POR: variants seen among roughly 807,000 people sequenced by gnomAD.
POR encodes the protein cytochrome p450 oxidoreductase, also known as NADPH--cytochrome P450 reductase.
A neutral mutation model predicts 84.0 loss-of-function variants in POR; 56 were observed. The observed-to-expected ratio is 0.67, with a 90% CI of 0.54 to 0.83. The LOEUF is 0.83. Among genes scored for constraint, POR ranks in the 40% least tolerant of loss-of-function variants. POR has a pLI of 0.00. For missense variants in POR, 938 were observed against 944.3 expected (o/e 0.99, Z 0.09); for synonymous variants, 414 against 400.5 (o/e 1.03, Z -0.40).
In POR at chr7:75,985,108, CCT is replaced by C; in HGVS notation, c.1300_1301del (p.Leu434AlafsTer15). Reference sequence around the variant, plus strand: ...AGGCCCGGAGGCACATCCTGGCCATCCTGCAGGACTGCCCGTCCCTGCGGCCC... The same window carrying C: ...AGGCCCGGAGGCACATCCTGGCCATCGCAGGACTGCCCGTCCCTGCGGCCC... On this transcript the variant is annotated frameshift_variant, in exon 12 of 16. Coordinates refer to ENST00000461988, the MANE Select transcript of POR (RefSeq NM_000941.3). LOFTEE classifies it high-confidence loss of function. 6.2e-7 allele frequency: 1 copy of C among 1,600,166 alleles called. No homozygotes were observed. The highest frequency in any genetic ancestry group is 8.5e-7 in the Non-Finnish European group (1 of 1,179,518).
intron 1 of POR, among the ~76,000 whole-genome samples, chr7:75,932,337 C>T (rs1028581834): frequency 3.3e-5 from 5 of 152,056 alleles, no homozygotes; most frequent in East Asian, 1.9e-4. Context: ...TGCACCAACA[C>T]GCCCAGCTAA....
At chr7:75,917,448 G>A (rs1432531219) in intron 1 of POR, among the ~76,000 whole-genome samples, 1 of 149,516 alleles carries the variant, frequency 6.7e-6, no homozygotes, top group African/African-American at 2.5e-5. Flanking sequence ...GTTCCAGAGA[G>A]GCTGGCCGCC....
chr7:75,980,405 G>A lies in POR; in HGVS notation c.433G>A (p.Glu145Lys). 1 of 1,613,328 alleles carries A rather than the reference G, an allele frequency of 6.2e-7. No individual in the cohort carries two copies. Among genetic ancestry groups the A allele is most frequent in the East Asian group, 2.2e-5 (1 of 44,864 alleles). Reference sequence around the variant, plus strand: ...GGTTTTCTGCATGGCCACCTACGGTGAGGGAGACCCCACCGACAATGCCCA... The same window carrying A: ...GGTTTTCTGCATGGCCACCTACGGTAAGGGAGACCCCACCGACAATGCCCA... The change falls in exon 5 of 16, where the codon GAG (glutamate) becomes AAG (lysine). Residue 145 changes from glutamate (E) to lysine (K), a missense_variant. Glu to Lys is a moderately conservative substitution (Grantham distance 56, BLOSUM62 1). Transcript: ENST00000461988.
At chr7:75,968,954 C>T (rs192279369) in intron 2 of POR, among the ~76,000 whole-genome samples, 47 of 152,332 alleles carry the variant, frequency 3.1e-4, no homozygotes, top group African/African-American at 9.6e-4. Context: ...CCCTTGGCAC[C>T]CCGCTTCCCG....
chr7:75,980,809 G>T, intron 5 of POR: 1 of 1,271,282 alleles, frequency 7.9e-7, no homozygotes, highest in Non-Finnish European at 1.1e-6. Flanking sequence ...GGCTGGCCCC[G>T]CTTCCCTGTG....
rs1554559215 is a variant in POR, at chr7:75,985,858, G to C, written c.1669+9G>C. On this transcript the variant is annotated intron_variant, in intron 13 of 15. Coordinates refer to ENST00000461988, the MANE Select transcript of POR (RefSeq NM_000941.3). ...CTGGCTGCGACAGCAGGGTGAGTGG[G>C]GTCCCATGGGGGAGAGGGGGTGACG... 1 of 1,549,830 alleles carries C rather than the reference G, an allele frequency of 6.5e-7. No individual in the cohort carries two copies. Among genetic ancestry groups the C allele is most frequent in the African/African-American group, 1.4e-5 (1 of 73,932 alleles).
chr7:75,923,425 G>C (rs112780963), intron 1 of POR: 16 of 617,358 alleles, frequency 2.6e-5, no homozygotes, highest in African/African-American at 1.5e-4. Flanking sequence ...GCATCAATCA[G>C]CTCATCCGCC....
rs1352889904 is a variant in POR at position 75,986,683 on chromosome 7, G to C, written c.*202G>C. ...CCGGCCCCTGGCAGCACAGCCCAGG[G>C]CCTGCATGGGGGCACCGGGCTCCAT... On this transcript the variant is annotated 3_prime_UTR_variant, in exon 16 of 16. Transcript: ENST00000461988. The C allele has an allele frequency of 3.0e-6, 2 of 659,432 alleles. No individual in the cohort carries two copies. The highest frequency in any genetic ancestry group is 5.1e-6 in the Non-Finnish European group (2 of 392,584). The allele number at this position is 659,432 out of a possible 1,614,324, so 40.8% of individuals were successfully genotyped here. A position where few individuals can be genotyped will look rare whatever the true frequency, so the allele number is the denominator to read the frequency against.
At chr7:75,933,546 G>A (rs1412999927) in intron 1 of POR, among the ~76,000 whole-genome samples, 2 of 151,468 alleles carry the variant, frequency 1.3e-5, no homozygotes, top group Non-Finnish European at 2.9e-5. Flanking sequence ...CTGCCACCAC[G>A]CCTGGCTAAT....
At chr7:75,962,757 A>G (rs1787998196) in intron 2 of POR, among the ~76,000 whole-genome samples, 1 of 152,196 alleles carries the variant, frequency 6.6e-6, no homozygotes. Flanking sequence ...CCATCGGGTA[A>G]TCAGCCTCTG....
rs530065348 is a variant in POR, at chr7:75,985,725, C to G, written c.1545C>G (p.Phe515Leu). ...GCGGCCGTGCGCTGGTGCCCATGTT[C>G]GTGCGCAAGTCCCAGTTCCGCCTGC... Residue 515 changes from phenylalanine to leucine, a missense_variant, in exon 13 of 16, where the codon TTC (phenylalanine) becomes TTG (leucine). Physicochemically the swap from Phe to Leu is conservative, Grantham distance 22 (BLOSUM62 0). Transcript: ENST00000461988. 6.3e-7 allele frequency: 1 copy of G among 1,588,766 alleles called. No individual in the cohort carries two copies. Among genetic ancestry groups the G allele is most frequent in the Non-Finnish European group, 8.6e-7 (1 of 1,169,410 alleles).
Position 75,918,121 on chromosome 7 carries a change from A to G in POR, c.-5+2942A>G, listed in dbSNP as rs1010304670. On this transcript the variant is annotated intron_variant, in intron 1 of 15. Coordinates refer to ENST00000461988, the MANE Select transcript of POR (RefSeq NM_000941.3). ...CAGGAGTTCGAGACCAGCCTGGCCA[A>G]CGTGGTGAAACCCCGTCTCTACTAA... is the stretch of plus-strand genomic sequence containing the variant. Among the ~76,000 whole-genome samples, 35 of 152,216 alleles carry G rather than the reference A, an allele frequency of 2.3e-4. 1 individual carries two copies. Among genetic ancestry groups the G allele is most frequent in the Non-Finnish European group, 1.6e-4 (11 of 68,036 alleles).
At position 75,986,516 on chromosome 7, in the gene POR, G is replaced by T. The variant is rs773928554; in HGVS notation, c.*35G>T. The T allele has an allele frequency of 1.3e-6, 2 of 1,596,458 alleles. No homozygotes were observed. Among genetic ancestry groups the T allele is most frequent in the East Asian group, 4.5e-5 (2 of 44,620 alleles). On this transcript the variant is annotated 3_prime_UTR_variant, in exon 16 of 16. Transcript: ENST00000461988. ...TGCCCCACCCACCCCACAGACTCCG[G>T]CCTGTAATCAGCTCTCCTGGCTCCC...
intron 1 of POR, among the ~76,000 whole-genome samples, chr7:75,924,136 C>T (rs764664508): frequency 7.0e-4 from 107 of 151,816 alleles, no homozygotes; most frequent in Non-Finnish European, 1.3e-3. Context: ...CGACCAAGCC[C>T]GGGGACATAA....
chr7:75,964,736 G>A (rs900256009), intron 2 of POR, among the ~76,000 whole-genome samples: 7 of 152,122 alleles, frequency 4.6e-5, no homozygotes, highest in South Asian at 2.1e-4. Flanking sequence ...TCTGATATAC[G>A]TATCTTAGCT....
At chr7:75,937,231 G>A (rs1807738218) in intron 1 of POR, among the ~76,000 whole-genome samples, 1 of 149,394 alleles carries the variant, frequency 6.7e-6, no homozygotes, top group Admixed American at 6.7e-5. Context: ...AAGGCAGGTG[G>A]ATCAGTTGAG....
chr7:75,923,406 G>A, intron 1 of POR: 1 of 694,668 alleles, frequency 1.4e-6, no homozygotes, highest in Admixed American at 2.0e-5. Context: ...CATCTTCTTG[G>A]GGGTGTGTGC....
chr7:75,976,136 T>C (rs1788675746), intron 3 of POR, among the ~76,000 whole-genome samples: 1 of 152,200 alleles, frequency 6.6e-6, no homozygotes, highest in Non-Finnish European at 1.5e-5. Context: ...TTTATATATT[T>C]TGATGCTCCT....
At chr7:75,937,522 T>TCTG in intron 1 of POR, among the ~76,000 whole-genome samples, 2 of 136,254 alleles carry the variant, frequency 1.5e-5, no homozygotes, top group East Asian at 4.6e-4. Context: ...GTGGCTCACG[T>TCTG]CTGTAATCCC....
Sources: gnomAD v4.1 joint callset for allele counts (sites outside exome capture counted in the v4.1 genomes callset) on GRCh38, gnomAD v4.1.1 for gene constraint, MANE v1.5 for transcripts, NCBI Gene and HGNC (gene_info 2026-07-23, HGNC 2026-07-21) for gene names.